The following CDIN1 variants were observed in gnomAD, a reference collection of about 807,000 sequenced individuals.
CDIN1 encodes CDAN1-interacting nuclease 1.
A neutral mutation model predicts 45.3 loss-of-function variants in CDIN1; 33 were observed. That is an observed-to-expected ratio of 0.73 (90% CI 0.55 to 0.97). CDIN1 has a LOEUF of 0.97. CDIN1 is among the 50% of genes least tolerant of loss of function. CDIN1 has a pLI of 0.00. For synonymous variants in CDIN1, 118 were observed against 124.4 expected (o/e 0.95, Z 0.34); for missense variants, 303 against 339.4 (o/e 0.89, Z 0.84).
intron 5 of CDIN1, among the ~76,000 whole-genome samples, chr15:36,672,606 C>T (rs1011834169): frequency 6.7e-6 from 1 of 148,544 alleles, no homozygotes; most frequent in African/African-American, 2.5e-5. Context: ...CTAATTTGAT[C>T]GATTTGGTTG....
intron 10 of CDIN1, among the ~76,000 whole-genome samples, chr15:36,793,372 G>C (rs574908745): frequency 2.6e-5 from 4 of 152,148 alleles, no homozygotes; most frequent in African/African-American, 9.6e-5. Context: ...AAGCTGACAA[G>C]AGCACTATAC....
intron 1 of CDIN1, chr15:36,618,963 C>T (rs1328174459): frequency 1.9e-6 from 3 of 1,546,308 alleles, no homozygotes; most frequent in South Asian, 1.2e-5. Context: ...CTGAAGTGTG[C>T]CAGAAGCCCC....
chr15:36,628,734 C>T (rs139301694), intron 1 of CDIN1, among the ~76,000 whole-genome samples: 14 of 151,908 alleles, frequency 9.2e-5, no homozygotes, highest in Non-Finnish European at 1.8e-4. Flanking sequence ...TGGTGGTGGC[C>T]GAAAAGTAAG....
At chr15:36,674,547 C>T (rs1290523076) in intron 5 of CDIN1, among the ~76,000 whole-genome samples, 1 of 152,118 alleles carries the variant, frequency 6.6e-6, no homozygotes, top group African/African-American at 2.4e-5. Flanking sequence ...ATGTTTATTA[C>T]ACACAACTAT....
At chr15:36,631,608 A>G (rs2039682828) in intron 1 of CDIN1, among the ~76,000 whole-genome samples, 1 of 152,166 alleles carries the variant, frequency 6.6e-6, no homozygotes, top group Non-Finnish European at 1.5e-5. Context: ...TTGCTGGATA[A>G]TATTGCATTG....
intron 1 of CDIN1, among the ~76,000 whole-genome samples, chr15:36,601,953 G>A (rs560700770): frequency 6.6e-5 from 10 of 152,192 alleles, no homozygotes; most frequent in Non-Finnish European, 1.2e-4. Context: ...GGGTTTTATC[G>A]ATAGCAGCTC....
chr15:36,800,879 A>ATATGTG (rs1308052909), intron 10 of CDIN1, among the ~76,000 whole-genome samples: 1 of 82,524 alleles, frequency 1.2e-5, no homozygotes, highest in African/African-American at 4.1e-5. Flanking sequence ...GTGTGTATAT[A>ATATGTG]TGTGTGTGTG....
intron 10 of CDIN1, among the ~76,000 whole-genome samples, chr15:36,778,854 G>A (rs1204502262): frequency 2.6e-5 from 4 of 152,136 alleles, no homozygotes; most frequent in Non-Finnish European, 2.9e-5. Context: ...AAATATTTAA[G>A]ATTCCTTTTC....
chr15:36,685,845 C>CA (rs1403587535), intron 5 of CDIN1, among the ~76,000 whole-genome samples: 1 of 152,136 alleles, frequency 6.6e-6, no homozygotes, highest in African/African-American at 2.4e-5. Flanking sequence ...AAATGCAAAT[C>CA]AAAACCACAA....
chr15:36,708,982 T>G (rs1164966465), intron 8 of CDIN1: 2 of 348,032 alleles, frequency 5.7e-6, no homozygotes, highest in African/African-American at 4.2e-5. Context: ...CAGCTTGAAC[T>G]CGTGATGTTT....
chr15:36,690,639 A>G (rs2042216436), intron 5 of CDIN1, among the ~76,000 whole-genome samples: 1 of 152,166 alleles, frequency 6.6e-6, no homozygotes, highest in South Asian at 2.1e-4. Context: ...TTAAAAGAAA[A>G]CAAGTTAGAC....
intron 1 of CDIN1, among the ~76,000 whole-genome samples, chr15:36,606,892 C>G (rs988017095): frequency 1.2e-4 from 19 of 152,054 alleles, no homozygotes; most frequent in African/African-American, 4.3e-4. Context: ...TTAATTTACT[C>G]TAGTAAGGTT....
chr15:36,764,223 T>C (rs901968615), intron 10 of CDIN1, among the ~76,000 whole-genome samples: 1 of 151,044 alleles, frequency 6.6e-6, no homozygotes, highest in Non-Finnish European at 1.5e-5. Context: ...GGTTTTTTTT[T>C]TTTTTTTTTT....
intron 5 of CDIN1, among the ~76,000 whole-genome samples, chr15:36,659,970 T>TTTC (rs1414726358): frequency 1.5e-4 from 21 of 143,896 alleles, no homozygotes; most frequent in Admixed American, 4.9e-4. Flanking sequence ...CCTTTTCTTT[T>TTTC]TTTTTTTTTT....
chr15:36,685,667 A>G (rs2042014935), intron 5 of CDIN1, among the ~76,000 whole-genome samples: 1 of 152,200 alleles, frequency 6.6e-6, no homozygotes, highest in African/African-American at 2.4e-5. Context: ...TCATCTGACA[A>G]AGGGCTAATA....
At chr15:36,670,874 T>G (rs1221259094) in intron 5 of CDIN1, among the ~76,000 whole-genome samples, 1 of 152,116 alleles carries the variant, frequency 6.6e-6, no homozygotes, top group Non-Finnish European at 1.5e-5. Flanking sequence ...TTGCTTCAGT[T>G]TAGACTTTTA....
intron 7 of CDIN1, chr15:36,696,462 T>C (rs1307814517): frequency 6.6e-6 from 1 of 152,244 alleles, no homozygotes; most frequent in East Asian, 1.9e-4. Context: ...CACAGAAGAT[T>C]TACAGAATTC....
At chr15:36,591,189 G>A (rs2037555245) in intron 1 of CDIN1, among the ~76,000 whole-genome samples, 1 of 152,148 alleles carries the variant, frequency 6.6e-6, no homozygotes, top group East Asian at 1.9e-4. Flanking sequence ...AGAGTCATTT[G>A]AATGTGTCTT....
intron 1 of CDIN1, among the ~76,000 whole-genome samples, chr15:36,603,108 T>C (rs2038189576): frequency 6.6e-6 from 1 of 152,236 alleles, no homozygotes; most frequent in Non-Finnish European, 1.5e-5. Flanking sequence ...TAGCTCCTTC[T>C]TTTAGCTGAA....
Sources: allele counts gnomAD v4.1 joint callset (sites outside exome capture counted in the v4.1 genomes callset), GRCh38; gene constraint gnomAD v4.1.1; transcripts MANE v1.5; gene names NCBI Gene and HGNC (gene_info 2026-07-23, HGNC 2026-07-21).